The following IFNG-AS1 variants were observed in gnomAD, a reference collection of about 807,000 sequenced individuals.
The protein encoded by IFNG-AS1 is IFNG regulatory antisense RNA 1, also known as IFNG antisense RNA 1 (non-protein coding).
At chr12:68,004,852 A>C (rs1388893916) in intron 2 of IFNG-AS1, among the ~76,000 whole-genome samples, 1 of 152,096 alleles carries the variant, frequency 6.6e-6, no homozygotes, top group African/African-American at 2.4e-5. Flanking sequence ...GACTTTTCTT[A>C]GCGGGATGCA....
chr12:68,012,965 G>A (rs2120468467), intron 3 of IFNG-AS1, among the ~76,000 whole-genome samples: 1 of 152,314 alleles, frequency 6.6e-6, no homozygotes, highest in Non-Finnish European at 1.5e-5. Flanking sequence ...AAAAGAGAGA[G>A]GTTAAATAGC....
chr12:67,998,528 T>C (rs939333311), intron 2 of IFNG-AS1, among the ~76,000 whole-genome samples: 2 of 148,742 alleles, frequency 1.3e-5, no homozygotes, highest in African/African-American at 2.5e-5. Context: ...CAGGAAGGAG[T>C]TGGGGTGCAG....
At chr12:68,000,309 A>T (rs1180837841) in intron 2 of IFNG-AS1, among the ~76,000 whole-genome samples, 1 of 152,224 alleles carries the variant, frequency 6.6e-6, no homozygotes, top group Non-Finnish European at 1.5e-5. Context: ...CTATGATTAC[A>T]AAACTTCATT....
chr12:68,003,949 G>T (rs185836843), intron 2 of IFNG-AS1, among the ~76,000 whole-genome samples: 139 of 142,092 alleles, frequency 9.8e-4, no homozygotes, highest in African/African-American at 3.5e-3. Context: ...GCCACTATCC[G>T]AGGCTATGTT....
chr12:67,990,696 T>C (rs552170711), intron 1 of IFNG-AS1, among the ~76,000 whole-genome samples: 1 of 152,014 alleles, frequency 6.6e-6, no homozygotes, highest in South Asian at 2.1e-4. Flanking sequence ...TGACTTCAAG[T>C]GATTCTCCTG....
At chr12:67,990,894 A>T (rs1329575011) in intron 1 of IFNG-AS1, among the ~76,000 whole-genome samples, 1 of 151,606 alleles carries the variant, frequency 6.6e-6, no homozygotes, top group South Asian at 2.1e-4. Flanking sequence ...TACATAAATA[A>T]TTTTTTTTTA....
intron 3 of IFNG-AS1, among the ~76,000 whole-genome samples, chr12:68,008,309 G>A (rs552471838): frequency 2.0e-5 from 3 of 151,946 alleles, no homozygotes; most frequent in Non-Finnish European, 4.4e-5. Context: ...CCAGCTACTC[G>A]GGAGGCTGAG....
chr12:67,993,780 T>C (rs915827266), intron 1 of IFNG-AS1, among the ~76,000 whole-genome samples: 4 of 152,236 alleles, frequency 2.6e-5, no homozygotes, highest in Non-Finnish European at 5.9e-5. Context: ...AAATTTAATA[T>C]ATTCAGTTAC....
chr12:68,009,623 G>A (rs1284713637), intron 3 of IFNG-AS1, among the ~76,000 whole-genome samples: 1 of 152,196 alleles, frequency 6.6e-6, no homozygotes, highest in Admixed American at 6.5e-5. Context: ...TTATAGGCGT[G>A]AGTCATTGTG....
chr12:68,010,719 G>C (rs1880007180), intron 3 of IFNG-AS1, among the ~76,000 whole-genome samples: 1 of 152,116 alleles, frequency 6.6e-6, no homozygotes, highest in African/African-American at 2.4e-5. Context: ...ACCTCCTTCT[G>C]TGTTCTTGCC....
intron 1 of IFNG-AS1, among the ~76,000 whole-genome samples, chr12:67,992,917 T>G (rs1195709323): frequency 6.6e-6 from 1 of 152,218 alleles, no homozygotes; most frequent in East Asian, 1.9e-4. Flanking sequence ...CCTTTGGTCC[T>G]CCCACCAGTT....
chr12:67,990,205 G>C (rs1879471552), intron 1 of IFNG-AS1, among the ~76,000 whole-genome samples: 2 of 152,120 alleles, frequency 1.3e-5, no homozygotes, highest in Admixed American at 6.6e-5. Context: ...TATTTTCCCA[G>C]CCATATTGCC....
intron 1 of IFNG-AS1, among the ~76,000 whole-genome samples, chr12:67,992,281 A>G (rs1879535430): frequency 6.6e-6 from 1 of 152,242 alleles, no homozygotes; most frequent in Non-Finnish European, 1.5e-5. Flanking sequence ...ATGTTGATAC[A>G]CATTATTTTC....
At chr12:68,009,488 C>A (rs1427685553) in intron 3 of IFNG-AS1, among the ~76,000 whole-genome samples, 1 of 152,114 alleles carries the variant, frequency 6.6e-6, no homozygotes, top group East Asian at 1.9e-4. Context: ...ACTACAGGCG[C>A]CCGCCACCAC....
chr12:68,006,657 G>T (rs1450473888), intron 3 of IFNG-AS1, among the ~76,000 whole-genome samples: 1 of 152,190 alleles, frequency 6.6e-6, no homozygotes, highest in Non-Finnish European at 1.5e-5. Flanking sequence ...GATTATACTT[G>T]CTGGATCTGA....
intron 2 of IFNG-AS1, among the ~76,000 whole-genome samples, chr12:67,996,608 G>T (rs1565686834): frequency 6.6e-6 from 1 of 152,216 alleles, no homozygotes; most frequent in African/African-American, 2.4e-5. Context: ...ATGAGTAACA[G>T]AACTGCAAGT....
intron 1 of IFNG-AS1, among the ~76,000 whole-genome samples, chr12:67,995,447 G>A (rs1469090864): frequency 2.2e-5 from 3 of 133,682 alleles, no homozygotes; most frequent in Non-Finnish European, 3.2e-5. Flanking sequence ...AAAGGGCCGC[G>A]CACTGTGGCT....
intron 3 of IFNG-AS1, among the ~76,000 whole-genome samples, chr12:68,006,399 T>C (rs968390865): frequency 6.6e-6 from 1 of 152,220 alleles, no homozygotes; most frequent in Non-Finnish European, 1.5e-5. Context: ...AATTCCAGAT[T>C]TTTTTATAAG....
chr12:68,008,288 C>T (rs1039267126), intron 3 of IFNG-AS1, among the ~76,000 whole-genome samples: 7 of 151,930 alleles, frequency 4.6e-5, no homozygotes, highest in African/African-American at 1.7e-4. Flanking sequence ...TGGTGGTGGG[C>T]GCCTGTAGTC....
Sources: gnomAD v4.1 joint callset for allele counts (sites outside exome capture counted in the v4.1 genomes callset) on GRCh38, gnomAD v4.1.1 for gene constraint, MANE v1.5 for transcripts, NCBI Gene and HGNC (gene_info 2026-07-23, HGNC 2026-07-21) for gene names.